MAP3K3: variants seen among roughly 807,000 people sequenced by gnomAD.
The protein encoded by MAP3K3 is MAP/ERK kinase kinase 3.
Under a neutral mutation model 80.9 loss-of-function variants are expected in MAP3K3, and 12 were observed. The observed-to-expected ratio is 0.15, with a 90% CI of 0.10 to 0.24. MAP3K3 has a LOEUF of 0.24. MAP3K3 is among the 10% of genes least tolerant of loss of function. The pLI is 1.00. For missense variants in MAP3K3, 596 were observed against 834.7 expected (o/e 0.71, Z 3.52); for synonymous variants, 272 against 307.1 (o/e 0.89, Z 1.19).
intron 2 of MAP3K3, among the ~76,000 whole-genome samples, chr17:63,645,018 A>G (rs775967141): frequency 6.6e-6 from 1 of 152,148 alleles, no homozygotes; most frequent in Non-Finnish European, 1.5e-5. Flanking sequence ...CCCTTTTGCA[A>G]TATCTCTTCC....
At chr17:63,643,250 A>G (rs1465335783) in intron 2 of MAP3K3, among the ~76,000 whole-genome samples, 3 of 152,044 alleles carry the variant, frequency 2.0e-5, no homozygotes, top group Non-Finnish European at 4.4e-5. Flanking sequence ...CATGCCTGTA[A>G]TCCCAGCACT....
chr17:63,690,226 T>G, intron 11 of MAP3K3, 38 bp from the exon 12 acceptor site: 1 of 1,598,462 alleles, frequency 6.3e-7, no homozygotes, highest in East Asian at 2.2e-5. Context: ...TCATAAATAA[T>G]GTACACAAAG....
At chr17:63,679,149 C>T (rs906269166) in intron 6 of MAP3K3, among the ~76,000 whole-genome samples, 1 of 152,158 alleles carries the variant, frequency 6.6e-6, no homozygotes, top group African/African-American at 2.4e-5. Flanking sequence ...GCCTTTAATC[C>T]CAGCACTTTG....
chr17:63,678,823 A>G (rs1259727146), intron 6 of MAP3K3, among the ~76,000 whole-genome samples: 1 of 152,174 alleles, frequency 6.6e-6, no homozygotes, highest in South Asian at 2.1e-4. Flanking sequence ...TGAAGACAAG[A>G]GTTCAAGACC....
At chr17:63,626,772 A>G (rs2034111120) in intron 1 of MAP3K3, among the ~76,000 whole-genome samples, 2 of 152,260 alleles carry the variant, frequency 1.3e-5, no homozygotes, top group Admixed American at 1.3e-4. Context: ...ACTGAAGCAC[A>G]GACTCTCCTG....
At chr17:63,672,689 A>G (rs1417328659) in intron 6 of MAP3K3, among the ~76,000 whole-genome samples, 2 of 152,194 alleles carry the variant, frequency 1.3e-5, no homozygotes, top group Admixed American at 1.3e-4. Context: ...GTGGCCAGTT[A>G]GAAGAGGATG....
chr17:63,693,108 G>A lies in MAP3K3; in HGVS notation c.1653-441G>A, dbSNP rs904816508. Among the ~76,000 whole-genome samples the A allele has an allele frequency of 5.9e-5, 9 of 152,136 alleles. No homozygotes were observed. The highest frequency in any genetic ancestry group is 2.2e-4 in the African/African-American group (9 of 41,426). ...AATGCAGGTGGCCTCTAGAACCCAG[G>A]AAAGGCAAGGAAACAGGTTCTCCCC... On this transcript the variant is annotated intron_variant, in intron 15 of 15. Transcript: ENST00000361733. This position sits in a 1 kb window ranked among gnomAD's most constrained non-coding sequence, Gnocchi z 4.2.
chr17:63,630,093 C>T (rs895575772), intron 1 of MAP3K3, among the ~76,000 whole-genome samples: 1 of 152,124 alleles, frequency 6.6e-6, no homozygotes, highest in South Asian at 2.1e-4. Flanking sequence ...TTGCATTCCG[C>T]TTTTAGGAGT....
chr17:63,630,252 G>A (rs2034188231), intron 1 of MAP3K3, among the ~76,000 whole-genome samples: 1 of 152,012 alleles, frequency 6.6e-6, no homozygotes, highest in Non-Finnish European at 1.5e-5. Flanking sequence ...TTATATATAA[G>A]CCAATCTTCC....
intron 1 of MAP3K3, among the ~76,000 whole-genome samples, chr17:63,629,258 G>C (rs746953248): frequency 6.6e-6 from 1 of 152,084 alleles, no homozygotes; most frequent in Non-Finnish European, 1.5e-5. Context: ...AAGTAGCTGG[G>C]ATTACAGGCG....
At chr17:63,682,044 T>C (rs1308107966) in intron 7 of MAP3K3, 145 bp downstream of exon 7, 4 of 649,872 alleles carry the variant, frequency 6.2e-6, no homozygotes, top group Non-Finnish European at 4.5e-6. Flanking sequence ...TGCCCAAATA[T>C]GGATTGTCCC....
intron 8 of MAP3K3, 32 bp downstream of exon 8, chr17:63,685,622 G>T: frequency 1.3e-6 from 2 of 1,587,886 alleles, no homozygotes; most frequent in Non-Finnish European, 1.7e-6. Context: ...GGAGGGTAAT[G>T]CATAGGCATT....
At chr17:63,682,040 A>C (rs1244116501) in intron 7 of MAP3K3, 141 bp downstream of exon 7, 1 of 675,858 alleles carries the variant, frequency 1.5e-6, no homozygotes, top group Non-Finnish European at 2.2e-6. Flanking sequence ...GGCCTGCCCA[A>C]ATATGGATTG....
In MAP3K3 at chr17:63,695,486, A is replaced by AT. The variant is rs2035673428; in HGVS notation, c.*1710dup. 6.6e-6 allele frequency: 1 copy of AT among 152,618 alleles called. No homozygotes were observed. Among genetic ancestry groups the AT allele is most frequent in the South Asian group, 2.1e-4 (1 of 4,824 alleles). The allele number at this position is 152,618 out of a possible 1,614,324, so 9.5% of individuals were successfully genotyped here. ...CCATCCCTGTTCCCCCAGGGGCTCT[A>AT]TCAGCCCCTGTACCCCACACTGCCC... On this transcript the variant is annotated 3_prime_UTR_variant, in exon 16 of 16. Transcript: ENST00000361733. The surrounding 1 kb of genome is among the most constrained non-coding windows in gnomAD (Gnocchi z 4.1).
chr17:63,623,289 G>C (rs1454209732), intron 1 of MAP3K3, among the ~76,000 whole-genome samples: 1 of 152,258 alleles, frequency 6.6e-6, no homozygotes, highest in Non-Finnish European at 1.5e-5. Flanking sequence ...GCGCAGGGGG[G>C]AGGGCGTGCG....
intron 2 of MAP3K3, among the ~76,000 whole-genome samples, chr17:63,637,920 C>A (rs1473241281): frequency 6.6e-6 from 1 of 152,190 alleles, no homozygotes; most frequent in African/African-American, 2.4e-5. Flanking sequence ...ATGATAGGCA[C>A]AAGCAGGGCA....
At chr17:63,660,385 T>A (rs933583045) in intron 5 of MAP3K3, among the ~76,000 whole-genome samples, 1 of 151,292 alleles carries the variant, frequency 6.6e-6, no homozygotes, top group Admixed American at 6.6e-5. Flanking sequence ...TTTTTTTTTT[T>A]AATTGTTTGT....
chr17:63,660,565 A>ATTC (rs113456141), intron 5 of MAP3K3, among the ~76,000 whole-genome samples: 34,695 of 144,142 alleles, frequency 0.24, 4,277 homozygotes, highest in Middle Eastern at 0.35. Context: ...TTCTCTTTGG[A>ATTC]TTCTTCTTCT....
chr17:63,644,906 G>A (rs1273912727), intron 2 of MAP3K3, among the ~76,000 whole-genome samples: 1 of 151,964 alleles, frequency 6.6e-6, no homozygotes, highest in Non-Finnish European at 1.5e-5. Flanking sequence ...TTATTTGCTG[G>A]TTTCCTGCCC....
Sources: gnomAD v4.1 joint callset for allele counts (sites outside exome capture counted in the v4.1 genomes callset) on GRCh38, gnomAD v4.1.1 for gene constraint, Gnocchi (gnomAD v3.1) non-coding constraint, MANE v1.5 for transcripts, NCBI Gene and HGNC (gene_info 2026-07-23, HGNC 2026-07-21) for gene names.